The following NFATC2 variants were observed in gnomAD, a reference collection of about 807,000 sequenced individuals.
NFATC2 encodes nuclear factor of activated T-cells, cytoplasmic 2.
A neutral mutation model predicts 87.3 loss-of-function variants in NFATC2; 22 were observed. That is an observed-to-expected ratio of 0.25 (90% CI 0.18 to 0.36). The LOEUF (loss-of-function observed/expected upper bound fraction) is 0.36. NFATC2 is among the 10% of genes least tolerant of loss of function. The probability of loss-of-function intolerance (pLI) is 1.00; values close to 1 mark genes in which losing one functional copy is unlikely to be tolerated. For missense variants in NFATC2, 1,149 were observed against 1,259.1 expected (o/e 0.91, Z 1.32); for synonymous variants, 565 against 542.2 (o/e 1.04, Z -0.58).
intron 6 of NFATC2, among the ~76,000 whole-genome samples, chr20:51,440,766 C>T (rs904661770): frequency 6.6e-6 from 1 of 152,176 alleles, no homozygotes; most frequent in Non-Finnish European, 1.5e-5. Context: ...AGCCCACATC[C>T]GTTGTCTTTC....
chr20:51,512,492 C>T (rs2076287708), intron 3 of NFATC2, among the ~76,000 whole-genome samples: 1 of 152,158 alleles, frequency 6.6e-6, no homozygotes, highest in Non-Finnish European at 1.5e-5. Context: ...CATGGCAGGT[C>T]CCCAGTGAGA....
chr20:51,553,139 C>T (rs1257536334), intron 1 of NFATC2, among the ~76,000 whole-genome samples: 1 of 152,080 alleles, frequency 6.6e-6, no homozygotes, highest in African/African-American at 2.4e-5. Flanking sequence ...ATGGACCAAT[C>T]GGCTGGAGGT....
intron 6 of NFATC2, among the ~76,000 whole-genome samples, chr20:51,442,548 G>A (rs1984493622): frequency 6.6e-6 from 1 of 152,184 alleles, no homozygotes; most frequent in Non-Finnish European, 1.5e-5. Flanking sequence ...CTTAAACTTA[G>A]AAAGCCTGTG....
intron 10 of NFATC2, among the ~76,000 whole-genome samples, chr20:51,391,831 A>G (rs1986388994): frequency 6.6e-6 from 1 of 152,020 alleles, no homozygotes; most frequent in Non-Finnish European, 1.5e-5. Context: ...TTTTTTAAAT[A>G]CTTTTTTTGT....
intron 9 of NFATC2, 81 bp from the exon 10 acceptor site, chr20:51,398,811 G>GATATCATCCAAGCCCAGGAGGGAA: frequency 1.0e-6 from 1 of 957,448 alleles, no homozygotes; most frequent in Admixed American, 1.9e-5. Flanking sequence ...AACTCATGCC[G>GATATCATCCAAGCCCAGGAGGGAA]ATATCATCCA....
At position 51,480,371 on chromosome 20, in the gene NFATC2, T is replaced by C. The variant is rs62229785; in HGVS notation, c.1333-4711A>G. Among the ~76,000 whole-genome samples, 10,147 of 151,554 alleles carry C rather than the reference T, an allele frequency of 0.067. 381 individuals carry two copies. Among genetic ancestry groups the C allele is most frequent in the Middle Eastern group, 0.12 (35 of 294 alleles). ...AGAAAAGAAGGGGCACAGAGGGAGA[T>C]GGAGGGAGAGAAACAAACAGCAACC... is the stretch of plus-strand genomic sequence containing the variant. On this transcript the variant is annotated intron_variant, in intron 3 of 10. Coordinates refer to ENST00000371564, the MANE Select transcript of NFATC2 (RefSeq NM_012340.5). This position sits in a 1 kb window ranked among gnomAD's most constrained non-coding sequence, Gnocchi z 4.2.
chr20:51,510,209 A>G (rs938951213), intron 3 of NFATC2, among the ~76,000 whole-genome samples: 14 of 152,382 alleles, frequency 9.2e-5, no homozygotes, highest in African/African-American at 3.4e-4. Flanking sequence ...TGGATAAGGA[A>G]TATACCAAAG....
chr20:51,467,381 A>T (rs533794638), intron 5 of NFATC2, among the ~76,000 whole-genome samples: 6 of 151,768 alleles, frequency 4.0e-5, no homozygotes, highest in African/African-American at 1.5e-4. Flanking sequence ...ACATGGTGAA[A>T]CCCCGTCTCT....
chr20:51,539,052 G>A (rs562984968), intron 1 of NFATC2, among the ~76,000 whole-genome samples: 118 of 152,202 alleles, frequency 7.8e-4, no homozygotes, highest in African/African-American at 2.1e-3. Context: ...GTGCCTTAGC[G>A]TCCTCCTCCA....
intron 1 of NFATC2, among the ~76,000 whole-genome samples, chr20:51,547,787 C>T (rs1030154052): frequency 1.1e-4 from 17 of 152,190 alleles, no homozygotes; most frequent in Non-Finnish European, 1.8e-4. Context: ...CTCATGCCCA[C>T]GTGCAAACCC....
intron 3 of NFATC2, among the ~76,000 whole-genome samples, chr20:51,498,173 T>G (rs2076020830): frequency 6.6e-6 from 1 of 152,104 alleles, no homozygotes; most frequent in South Asian, 2.1e-4. Flanking sequence ...ATTTCCTTCC[T>G]CTGCTTCCTT....
chr20:51,413,035 A>C (rs1979511344), intron 9 of NFATC2, among the ~76,000 whole-genome samples: 1 of 136,432 alleles, frequency 7.3e-6, no homozygotes, highest in Admixed American at 7.5e-5. Context: ...AGCCGAGTAC[A>C]GTGTCCTGCT....
chr20:51,470,760 C>T (rs1460702140), intron 5 of NFATC2, among the ~76,000 whole-genome samples: 1 of 152,206 alleles, frequency 6.6e-6, no homozygotes, highest in Admixed American at 6.5e-5. Context: ...CTGACTACCT[C>T]CCTGTGGATT....
intron 3 of NFATC2, among the ~76,000 whole-genome samples, chr20:51,506,208 A>C (rs2076176387): frequency 6.6e-6 from 1 of 152,214 alleles, no homozygotes; most frequent in Non-Finnish European, 1.5e-5. Flanking sequence ...CAGCCTGCTC[A>C]TCACTGGCGA....
At chr20:51,527,016 A>T (rs1205550106) in intron 1 of NFATC2, among the ~76,000 whole-genome samples, 27 of 152,122 alleles carry the variant, frequency 1.8e-4, no homozygotes, top group African/African-American at 6.5e-4. Context: ...CTCCCACCTC[A>T]GCCTCCCAAG....
chr20:51,539,197 A>G (rs1162328292), intron 1 of NFATC2, among the ~76,000 whole-genome samples: 1 of 152,158 alleles, frequency 6.6e-6, no homozygotes, highest in Non-Finnish European at 1.5e-5. Flanking sequence ...TACCTTCACC[A>G]ATTCTATCAA....
In NFATC2 at chr20:51,398,701, G is replaced by A; in HGVS notation, c.2752C>T (p.Gln918Ter). ...ELIDTHLSWI[Q>*]NIL The stretch of plus-strand genomic sequence containing the variant: ...GTCATTCTGTTTCATAATATGTTTT[G>A]TATCCAGCTAAGGTGTGTGTCTATC... The change falls in exon 10 of 11, where the codon CAA becomes TAA. Residue 918 changes from glutamine to a stop codon, truncating the protein, a stop_gained. Transcript: ENST00000371564. LOFTEE classifies it high-confidence loss of function. 2 of 1,612,730 alleles carry A rather than the reference G, an allele frequency of 1.2e-6. No homozygotes were observed. Among genetic ancestry groups the A allele is most frequent in the Non-Finnish European group, 1.7e-6 (2 of 1,179,406 alleles).
intron 10 of NFATC2, among the ~76,000 whole-genome samples, chr20:51,392,520 T>C (rs577275553): frequency 6.6e-6 from 1 of 152,360 alleles, no homozygotes; most frequent in South Asian, 2.1e-4. Context: ...GAAGGTGCTA[T>C]TGGTGACAGC....
At chr20:51,461,827 G>A (rs1454396816) in intron 5 of NFATC2, among the ~76,000 whole-genome samples, 1 of 152,232 alleles carries the variant, frequency 6.6e-6, no homozygotes, top group Non-Finnish European at 1.5e-5. Flanking sequence ...GTTAATAACA[G>A]CGGACAGGCT....
Sources: allele counts gnomAD v4.1 joint callset (sites outside exome capture counted in the v4.1 genomes callset), GRCh38; gene constraint gnomAD v4.1.1; non-coding constraint Gnocchi (gnomAD v3.1); transcripts MANE v1.5; gene names NCBI Gene and HGNC (gene_info 2026-07-23, HGNC 2026-07-21).